Variants in GRIK1 observed in about 807,000 individuals in gnomAD.
The protein encoded by GRIK1 is glutamate receptor ionotropic, kainate 1.
Under a neutral mutation model 105.7 loss-of-function variants are expected in GRIK1, and 69 were observed. The ratio of observed to expected loss-of-function variants is 0.65; its 90% CI spans 0.54 to 0.80. GRIK1 has a LOEUF of 0.80. Among genes scored for constraint, GRIK1 ranks in the 30% least tolerant of loss-of-function variants. The pLI, the probability that GRIK1 is intolerant of heterozygous loss-of-function variation, is 0.00. For synonymous variants in GRIK1, 438 were observed against 431.3 expected (o/e 1.02, Z -0.19); for missense variants, 1,109 against 1,167.3 (o/e 0.95, Z 0.73).
At chr21:29,644,360 C>T (rs2062574958) in intron 6 of GRIK1, among the ~76,000 whole-genome samples, 1 of 152,028 alleles carries the variant, frequency 6.6e-6, no homozygotes, top group Non-Finnish European at 1.5e-5. Flanking sequence ...TTTAAGTTAG[C>T]TTTGGTGACT....
chr21:29,756,564 G>C (rs963826781), intron 1 of GRIK1, among the ~76,000 whole-genome samples: 3 of 151,880 alleles, frequency 2.0e-5, no homozygotes, highest in Non-Finnish European at 4.4e-5. Flanking sequence ...TTCACGCCTG[G>C]GTGCCCATCC....
intron 1 of GRIK1, among the ~76,000 whole-genome samples, chr21:29,923,523 G>A (rs544317607): frequency 6.6e-6 from 1 of 152,246 alleles, no homozygotes; most frequent in East Asian, 1.9e-4. Flanking sequence ...ATACCATGGA[G>A]TTACAACGAG....
chr21:29,591,055 C>T (rs957308759), intron 10 of GRIK1, 57 bp downstream of exon 10: 32 of 927,752 alleles, frequency 3.4e-5, no homozygotes, highest in Admixed American at 2.5e-4. Context: ...AGGAATGCTT[C>T]GAAGTCTAAG....
chr21:29,850,720 A>G (rs1382341920), intron 1 of GRIK1, among the ~76,000 whole-genome samples: 7 of 152,232 alleles, frequency 4.6e-5, no homozygotes, highest in Non-Finnish European at 1.0e-4. Flanking sequence ...ATTAAGAACC[A>G]AAACTACTTT....
chr21:29,603,302 T>C (rs947055916), intron 7 of GRIK1, among the ~76,000 whole-genome samples: 2 of 151,788 alleles, frequency 1.3e-5, no homozygotes, highest in African/African-American at 4.8e-5. Flanking sequence ...CTAAGCTGTC[T>C]CGATGGCAAA....
intron 16 of GRIK1, among the ~76,000 whole-genome samples, chr21:29,542,631 A>G (rs1007777840): frequency 1.3e-5 from 2 of 152,264 alleles, no homozygotes; most frequent in African/African-American, 4.8e-5. Flanking sequence ...ACTTGACATC[A>G]GATTGTGAAT....
intron 12 of GRIK1, among the ~76,000 whole-genome samples, chr21:29,584,826 C>G (rs2091095766): frequency 6.6e-6 from 1 of 152,140 alleles, no homozygotes; most frequent in South Asian, 2.1e-4. Flanking sequence ...AGTTCATGGT[C>G]TCAAACTATG....
rs1187495020 is a variant in GRIK1, at chr21:29,575,236, C to T, written c.2130+1728G>A. ...AGAAATGTGTACTTTTTTTTCCTAA[C>T]CTTAGTTTTTGTTTCTAAGCTGGTA... On this transcript the variant is annotated intron_variant, in intron 14 of 17. Transcript: ENST00000327783. Among the ~76,000 whole-genome samples, 5 of 151,684 alleles carry T rather than the reference C, an allele frequency of 3.3e-5. No homozygotes were observed. In the South Asian group the frequency reaches 6.2e-4, roughly 19 times the overall value.
intron 4 of GRIK1, among the ~76,000 whole-genome samples, chr21:29,671,782 C>T (rs2063165253): frequency 6.6e-6 from 1 of 152,112 alleles, no homozygotes; most frequent in Non-Finnish European, 1.5e-5. Flanking sequence ...AAAGAGATGG[C>T]CGGCAGACCA....
At chr21:29,876,555 T>C (rs2069198619) in intron 1 of GRIK1, among the ~76,000 whole-genome samples, 1 of 152,218 alleles carries the variant, frequency 6.6e-6, no homozygotes, top group Admixed American at 6.5e-5. Context: ...TATGCTGCTT[T>C]TTCTATACAT....
intron 9 of GRIK1, among the ~76,000 whole-genome samples, chr21:29,595,051 A>G (rs777953682): frequency 8.5e-5 from 13 of 152,158 alleles, no homozygotes; most frequent in Non-Finnish European, 1.3e-4. Context: ...AACTCAGGTT[A>G]CCGTGAATTT....
chr21:29,543,520 G>T (rs986505138), intron 16 of GRIK1, among the ~76,000 whole-genome samples: 45 of 152,050 alleles, frequency 3.0e-4, no homozygotes, highest in African/African-American at 1.1e-3. Context: ...TGAGGATTTG[G>T]GCAGCATTTC....
intron 1 of GRIK1, among the ~76,000 whole-genome samples, chr21:29,769,243 C>T (rs1034086056): frequency 1.3e-5 from 2 of 152,066 alleles, no homozygotes; most frequent in African/African-American, 4.8e-5. Context: ...CAAATTAAAA[C>T]GAGGTCACTA....
intron 15 of GRIK1, among the ~76,000 whole-genome samples, chr21:29,560,574 T>TTCTTTCTTTCTCTCTCTCTCTCTCTC (rs1601116875): frequency 8.1e-6 from 1 of 124,182 alleles, no homozygotes; most frequent in Admixed American, 8.2e-5. Flanking sequence ...CTTTCTTTCT[T>TTCTTTCTTTCTCTCTCTCTCTCTCTC]TCTCTCTTTC....
chr21:29,907,043 C>A (rs2070667407), intron 1 of GRIK1, among the ~76,000 whole-genome samples: 1 of 150,808 alleles, frequency 6.6e-6, no homozygotes, highest in Admixed American at 6.6e-5. Context: ...AAAGCCAAAG[C>A]AAATAAATCT....
chr21:29,668,101 G>A (rs758221755), intron 4 of GRIK1, among the ~76,000 whole-genome samples: 8 of 152,162 alleles, frequency 5.3e-5, no homozygotes, highest in East Asian at 1.9e-4. Flanking sequence ...TCATTCATTC[G>A]TTTGGTTCAT....
intron 1 of GRIK1, among the ~76,000 whole-genome samples, chr21:29,697,377 A>G (rs1031599851): frequency 6.6e-6 from 1 of 152,228 alleles, no homozygotes; most frequent in African/African-American, 2.4e-5. Flanking sequence ...GTTGTCTATC[A>G]CATAAAGCCA....
At chr21:29,590,744 G>A (rs1407460888) in intron 10 of GRIK1, among the ~76,000 whole-genome samples, 1 of 152,102 alleles carries the variant, frequency 6.6e-6, no homozygotes, top group African/African-American at 2.4e-5. Flanking sequence ...AGTTGGGAGG[G>A]AACAGAAGAG....
At chr21:29,695,933 C>T (rs1231491118) in intron 1 of GRIK1, among the ~76,000 whole-genome samples, 5 of 152,120 alleles carry the variant, frequency 3.3e-5, no homozygotes, top group South Asian at 4.2e-4. Context: ...AAGTCTGAAA[C>T]GAAAATCACA....
Sources: gnomAD v4.1 joint callset for allele counts (sites outside exome capture counted in the v4.1 genomes callset) on GRCh38, gnomAD v4.1.1 for gene constraint, MANE v1.5 for transcripts, NCBI Gene and HGNC (gene_info 2026-07-23, HGNC 2026-07-21) for gene names.